ANXA6: variants seen among roughly 807,000 people sequenced by gnomAD.
The protein encoded by ANXA6 is annexin A6, also known as 67 kDa calelectrin.
A neutral mutation model predicts 95.4 loss-of-function variants in ANXA6; 71 were observed. The observed-to-expected ratio is 0.74, with a 90% confidence interval of 0.61 to 0.91. The LOEUF is 0.91. Among genes scored for constraint, ANXA6 ranks in the 40% least tolerant of loss-of-function variants. The pLI, the probability that ANXA6 is intolerant of heterozygous loss-of-function variation, is 0.00. For missense variants in ANXA6, 830 were observed against 876.4 expected, an observed-to-expected ratio of 0.95 and a Z score of 0.67; for synonymous variants, 289 against 315.9, an observed-to-expected ratio of 0.91 and a Z score of 0.90.
Position 151,105,248 on chromosome 5 carries a change from C to T in ANXA6, c.1836G>A (p.Met612Ile). 1.2e-6 allele frequency: 2 copies of T among 1,613,850 alleles called. No individual in the cohort carries two copies. The highest frequency in any genetic ancestry group is 1.7e-6 in the Non-Finnish European group (2 of 1,179,738). Residue 612 changes from methionine (M) to isoleucine (I), a missense_variant, in exon 24 of 26, where the codon ATG becomes ATA. Physicochemically the swap from Met to Ile is conservative, Grantham distance 10. Coordinates refer to ENST00000354546, the MANE Select transcript of ANXA6 (RefSeq NM_001155.5). ...GAACGCCAGCATGTTTTCTTACCTTCATGGATTTGTAAAGTTTGTCGGCAA... is the reference window on the plus strand; with the variant it reads ...GAACGCCAGCATGTTTTCTTACCTTTATGGATTTGTAAAGTTTGTCGGCAA... ...LFFADKLYKSMKGAGTDEKTL... is the reference protein window; with the variant it reads ...LFFADKLYKSIKGAGTDEKTL...
chr5:151,151,926 A>G (rs1766118050), intron 1 of ANXA6, among the ~76,000 whole-genome samples: 1 of 152,234 alleles, frequency 6.6e-6, no homozygotes. Context: ...TGAAACCCAC[A>G]CAGGAGCAGA....
intron 15 of ANXA6, among the ~76,000 whole-genome samples, chr5:151,123,880 AG>A (rs1190663580): frequency 2.1e-5 from 3 of 144,186 alleles, no homozygotes; most frequent in African/African-American, 7.8e-5. Flanking sequence ...AGAATGAGGG[AG>A]GGCTCTTGGG....
chr5:151,137,348 T>G, intron 5 of ANXA6, 27 bp from the exon 6 acceptor site: 14 of 1,545,206 alleles, frequency 9.1e-6, no homozygotes, highest in Non-Finnish European at 1.2e-5. Context: ...AGCGCATGAA[T>G]TAAGGGCAGG....
intron 4 of ANXA6, chr5:151,138,992 T>C: frequency 9.9e-6 from 6 of 605,756 alleles, no homozygotes; most frequent in Non-Finnish European, 1.8e-5. Context: ...CATGTCATGC[T>C]GCTAGCAAAC....
chr5:151,137,355 C>A (rs757267415), intron 5 of ANXA6, 34 bp from the exon 6 acceptor site: 1 of 1,570,578 alleles, frequency 6.4e-7, no homozygotes. Flanking sequence ...GAATTAAGGG[C>A]AGGGATGGGA....
At chr5:151,135,692 T>TA (rs559820264) in intron 7 of ANXA6, among the ~76,000 whole-genome samples, 229 of 152,358 alleles carry the variant, frequency 1.5e-3, no homozygotes, top group Middle Eastern at 0.014. Context: ...GGTCTGCTGC[T>TA]ACCGCAACTT....
At chr5:151,136,391 A>G (rs1765663921) in intron 6 of ANXA6, 56 bp from the exon 7 acceptor site, 2 of 1,529,024 alleles carry the variant, frequency 1.3e-6, no homozygotes, top group Admixed American at 3.5e-5. Flanking sequence ...GGGATCTAGG[A>G]TAAAGGGCCC....
At chr5:151,155,813 G>A (rs1766222384) in intron 1 of ANXA6, 1 of 152,386 alleles carries the variant, frequency 6.6e-6, no homozygotes, top group Admixed American at 6.5e-5. Flanking sequence ...AGCCCCAGAG[G>A]GGTAGTAGGT....
At chr5:151,133,253 G>T in intron 8 of ANXA6, 66 bp from the exon 9 acceptor site, 2 of 1,173,642 alleles carry the variant, frequency 1.7e-6, no homozygotes, top group Non-Finnish European at 2.5e-6. Context: ...CACTGACCAA[G>T]CCACTCAGAA....
intron 10 of ANXA6, 67 bp downstream of exon 10, chr5:151,132,409 C>A (rs148926965): frequency 2.5e-6 from 3 of 1,196,424 alleles, no homozygotes; most frequent in East Asian, 5.0e-5. Context: ...CCATTCTCAG[C>A]CCCTTGTTCC....
Position 151,124,394 on chromosome 5 carries a change from A to G in ANXA6, c.1057-27T>C, listed in dbSNP as rs757207126. The G allele has an allele frequency of 1.9e-6, 3 of 1,586,022 alleles. No individual in the cohort carries two copies. The South Asian group carries it at 3.4e-5, about 18-fold the overall frequency. ...TGTGAGAAGCAGAAAGAGACTCAGC[A>G]GGTGTCTGAAGGCCCCCCTGGGGAC... On this transcript the variant is annotated intron_variant, in intron 14 of 25. Transcript: ENST00000354546.
chr5:151,128,611 A>G (rs1561576762), intron 12 of ANXA6, among the ~76,000 whole-genome samples: 1 of 152,226 alleles, frequency 6.6e-6, no homozygotes, highest in Non-Finnish European at 1.5e-5. Context: ...CACATGAAAT[A>G]TGCATGGAAA....
rs1766071611 is a variant in ANXA6 at position 151,150,065 on chromosome 5, CAG to C, written c.-25-2141_-25-2140del. On this transcript the variant is annotated intron_variant, in intron 1 of 25. Transcript: ENST00000354546. The stretch of plus-strand genomic sequence containing the variant: ...GCTGGGAGGCAGAGGTTGCAGTGAG[CAG>C]AGATGGCACCACTGCACTCCAGGCT... 3.3e-5 allele frequency among the ~76,000 whole-genome samples: 5 copies of C among 149,626 alleles called. No individual in the cohort carries two copies. In the South Asian group the frequency reaches 1.1e-3, roughly 31 times the overall value.
At chr5:151,120,316 T>G (rs995723437) in intron 17 of ANXA6, among the ~76,000 whole-genome samples, 1 of 151,662 alleles carries the variant, frequency 6.6e-6, no homozygotes, top group Non-Finnish European at 1.5e-5. Context: ...ATTGACTGAT[T>G]GATTGACTGA....
In ANXA6 at chr5:151,108,242, T is replaced by C. The variant is rs187216398; in HGVS notation, c.1780+213A>G. 5.7e-3 allele frequency among the ~76,000 whole-genome samples: 864 copies of C among 152,172 alleles called. 10 individuals are homozygous for C. The highest frequency in any genetic ancestry group is 0.019 in the African/African-American group (774 of 41,488). On this transcript the variant is annotated intron_variant, in intron 23 of 25. Coordinates refer to ENST00000354546, the MANE Select transcript of ANXA6 (RefSeq NM_001155.5). ...TGCCCCAGTCTTCCTGGTTCTTCCC[T>C]AGCAACAGTTATTTTCTCACCCTCT...
intron 17 of ANXA6, among the ~76,000 whole-genome samples, chr5:151,119,718 C>T (rs564236357): frequency 2.0e-5 from 3 of 152,332 alleles, no homozygotes; most frequent in Admixed American, 6.5e-5. Flanking sequence ...CAGAAGGACA[C>T]GCACATGCCT....
At chr5:151,133,234 G>A in intron 8 of ANXA6, 47 bp from the exon 9 acceptor site, 1 of 1,408,954 alleles carries the variant, frequency 7.1e-7, no homozygotes, top group Non-Finnish European at 9.8e-7. Context: ...AACCTCAGGA[G>A]ACAGGACACA....
intron 17 of ANXA6, among the ~76,000 whole-genome samples, chr5:151,121,646 G>C (rs115294063): frequency 0.015 from 2,218 of 152,290 alleles, 31 homozygotes; most frequent in Admixed American, 0.022. Flanking sequence ...GTGAGTGGCA[G>C]GTCTAGGCTG....
chr5:151,137,263 T>C lies in ANXA6; in HGVS notation c.377A>G (p.Gln126Arg). ...GTATGCTGCCACCAGCTGGTGCATC[T>C]GCTCATTGGTCCGGGAAGCCAAGAT... is the stretch of plus-strand genomic sequence containing the variant. ...IEILASRTNE[Q>R]MHQLVAAYKD... The change falls in exon 6 of 26, where the codon CAG becomes CGG. Residue 126 changes from glutamine (Q) to arginine (R), a missense_variant. Gln to Arg is a conservative substitution (Grantham distance 43). Coordinates refer to ENST00000354546, the MANE Select transcript of ANXA6 (RefSeq NM_001155.5). 5.0e-6 allele frequency: 8 copies of C among 1,613,788 alleles called. No homozygotes were observed. The highest frequency in any genetic ancestry group is 6.8e-6 in the Non-Finnish European group (8 of 1,179,830).
Sources: allele counts gnomAD v4.1 joint callset (sites outside exome capture counted in the v4.1 genomes callset), GRCh38; gene constraint gnomAD v4.1.1; transcripts MANE v1.5; gene names NCBI Gene and HGNC (gene_info 2026-07-23, HGNC 2026-07-21).